The following NHEJ1 variants were observed in gnomAD, a reference collection of about 807,000 sequenced individuals.
NHEJ1 encodes the protein non-homologous end joining factor 1.
In NHEJ1, 22 loss-of-function variants were observed where a neutral mutation model predicts 39.4. That is an observed-to-expected ratio of 0.56 (90% CI 0.40 to 0.80). NHEJ1 has a LOEUF of 0.80. Ranked by LOEUF, NHEJ1 falls within the 30% of genes least tolerant of loss-of-function variation. The pLI is 0.00. For missense variants in NHEJ1, 329 were observed against 357.1 expected (o/e 0.92, Z 0.63); for synonymous variants, 154 against 135.6 (o/e 1.14, Z -0.94).
rs373610993 is a variant in NHEJ1 at position 219,159,564 on chromosome 2, C to CATATATATATATGCATATATATATGCAT, written c.-1+1155_-1+1156insATGCATATATATATGCATATATATATAT. The stretch of plus-strand genomic sequence containing the variant: ...ATATATATATATGCATATATATATG[C>CATATATATATATGCATATATATATGCAT]ATATATATATGCATATATATATGCA... On this transcript the variant is annotated intron_variant, in intron 1 of 7. Coordinates refer to ENST00000356853, the MANE Select transcript of NHEJ1 (RefSeq NM_024782.3). Among the ~76,000 whole-genome samples the CATATATATATATGCATATATATATGCAT allele has an allele frequency of 8.1e-5, 5 of 61,770 alleles. 1 individual carries two copies. In the East Asian group the frequency reaches 1.9e-3, roughly 23 times the overall value. 40.5% of individuals were successfully genotyped at this position (61,770 alleles called of 152,430 possible). A position where few individuals can be genotyped will look rare whatever the true frequency, so the allele number is the denominator to read the frequency against.
chr2:219,101,391 AG>A (rs1392862352), intron 5 of NHEJ1, among the ~76,000 whole-genome samples: 5 of 152,126 alleles, frequency 3.3e-5, no homozygotes, highest in Non-Finnish European at 1.5e-5. Context: ...CTGGAATTAC[AG>A]GGGTGAGCCA....
chr2:219,113,834 A>G (rs750786756), intron 5 of NHEJ1, among the ~76,000 whole-genome samples: 10 of 151,970 alleles, frequency 6.6e-5, no homozygotes, highest in Non-Finnish European at 1.5e-5. Context: ...GAGATTTATC[A>G]TAATGATGAC....
At chr2:219,139,865 G>A (rs954044371) in intron 5 of NHEJ1, among the ~76,000 whole-genome samples, 4 of 152,150 alleles carry the variant, frequency 2.6e-5, no homozygotes, top group Non-Finnish European at 4.4e-5. Context: ...ATTTTTATTA[G>A]AGACAGGGTT....
At chr2:219,122,682 A>G (rs1949483047) in intron 5 of NHEJ1, among the ~76,000 whole-genome samples, 1 of 152,154 alleles carries the variant, frequency 6.6e-6, no homozygotes, top group South Asian at 2.1e-4. Flanking sequence ...TCCAGGAAAT[A>G]GGGTTAGTTT....
intron 1 of NHEJ1, chr2:219,159,470 C>T (rs895407516): frequency 6.8e-6 from 1 of 148,056 alleles, no homozygotes; most frequent in African/African-American, 2.5e-5. Context: ...ACAGTCATTT[C>T]CCCTAGCTTT....
rs757874724 is a variant in NHEJ1 at position 219,111,660 on chromosome 2, CACAG to C, written c.589-33458_589-33455del. ...ACACACACACACACACACACACACA[CACAG>C]AGAGATACATACAGTCAGTGGGAAA... On this transcript the variant is annotated intron_variant, in intron 5 of 7. Transcript: ENST00000356853. The surrounding 1 kb of genome is among the most constrained non-coding windows in gnomAD (Gnocchi z 4.1). Among the ~76,000 whole-genome samples, 404 of 150,284 alleles carry C rather than the reference CACAG, an allele frequency of 2.7e-3. 2 individuals are homozygous for C. Among genetic ancestry groups the C allele is most frequent in the East Asian group, 0.015 (78 of 5,150 alleles).
At chr2:219,132,871 G>T (rs1012855573) in intron 5 of NHEJ1, among the ~76,000 whole-genome samples, 3 of 152,160 alleles carry the variant, frequency 2.0e-5, no homozygotes, top group African/African-American at 7.2e-5. Context: ...TTGTAGATAT[G>T]TAAATTCCAG....
chr2:219,140,633 C>T (rs1378658999), intron 5 of NHEJ1, among the ~76,000 whole-genome samples: 2 of 152,168 alleles, frequency 1.3e-5, no homozygotes, highest in African/African-American at 4.8e-5. Context: ...AATGAACCTT[C>T]CATCAACTTA....
intron 5 of NHEJ1, among the ~76,000 whole-genome samples, chr2:219,098,660 A>C (rs192970401): frequency 1.1e-4 from 16 of 152,292 alleles, no homozygotes; most frequent in African/African-American, 3.8e-4. Context: ...CTTAAATTGA[A>C]ACTAGGCAGG....
rs184020634 is a variant in NHEJ1 at position 219,132,371 on chromosome 2, T to C, written c.588+14309A>G. 1.6e-3 allele frequency among the ~76,000 whole-genome samples: 246 copies of C among 152,358 alleles called. 2 individuals are homozygous for C. Among genetic ancestry groups the C allele is most frequent in the Non-Finnish European group, 2.9e-3 (195 of 68,030 alleles). The stretch of plus-strand genomic sequence containing the variant: ...CTCACTAAACTCAGCAATTTCGCTA[T>C]GCTCTTCCCCTAGCTGCTGGGGGCT... On this transcript the variant is annotated intron_variant, in intron 5 of 7. Transcript: ENST00000356853.
intron 3 of NHEJ1, among the ~76,000 whole-genome samples, chr2:219,152,783 ATTTATT>A (rs1030192080): frequency 8.6e-6 from 1 of 116,174 alleles, no homozygotes; most frequent in African/African-American, 2.7e-5. Flanking sequence ...TCATTTATTT[ATTTATT>A]TTTATTTATT....
intron 5 of NHEJ1, among the ~76,000 whole-genome samples, chr2:219,120,682 A>G (rs1221304759): frequency 6.6e-6 from 1 of 152,184 alleles, no homozygotes; most frequent in African/African-American, 2.4e-5. Flanking sequence ...AATTATATGC[A>G]AGTATTTCCC....
intron 5 of NHEJ1, among the ~76,000 whole-genome samples, chr2:219,120,878 C>A (rs914800888): frequency 6.6e-6 from 1 of 152,118 alleles, no homozygotes; most frequent in Non-Finnish European, 1.5e-5. Context: ...CAGGACTCTA[C>A]TATACTGATC....
intron 5 of NHEJ1, among the ~76,000 whole-genome samples, chr2:219,116,820 A>T (rs1430887588): frequency 6.6e-6 from 1 of 152,160 alleles, no homozygotes; most frequent in African/African-American, 2.4e-5. Flanking sequence ...TAAACAAACC[A>T]GTTTGATTGG....
At chr2:219,153,611 G>A (rs1366839108) in intron 3 of NHEJ1, among the ~76,000 whole-genome samples, 2 of 148,218 alleles carry the variant, frequency 1.3e-5, no homozygotes, top group African/African-American at 2.5e-5. Flanking sequence ...AAGCCAAAGT[G>A]AGAGGATCAC....
At chr2:219,121,803 G>A (rs1033450676) in intron 5 of NHEJ1, among the ~76,000 whole-genome samples, 2 of 151,732 alleles carry the variant, frequency 1.3e-5, no homozygotes, top group Admixed American at 6.6e-5. Context: ...TCCAGCCTGG[G>A]CAATAGACCC....
intron 5 of NHEJ1, among the ~76,000 whole-genome samples, chr2:219,128,293 T>TTC (rs1007550446): frequency 6.6e-6 from 1 of 152,064 alleles, no homozygotes; most frequent in African/African-American, 2.4e-5. Context: ...TATCAAACAG[T>TTC]TTGAGTACTA....
At chr2:219,076,783 C>T (rs1574697335) in intron 7 of NHEJ1, among the ~76,000 whole-genome samples, 2 of 152,120 alleles carry the variant, frequency 1.3e-5, no homozygotes, top group East Asian at 3.9e-4. Context: ...TCAAGTGATC[C>T]TCCTGCCTTG....
rs888680476 is a variant in NHEJ1 at position 219,074,893 on chromosome 2, G to C, written c.*1488C>G. On this transcript the variant is annotated 3_prime_UTR_variant, in exon 8 of 8. Transcript: ENST00000356853. ...AAAGAAAAGTTATCAGCAGTGACTG[G>C]GAATGAGCCTTGGTGGAGATCTCAG... Among the ~76,000 whole-genome samples the C allele has an allele frequency of 6.6e-6, 1 of 152,112 alleles. No homozygotes were observed. Among genetic ancestry groups the C allele is most frequent in the Non-Finnish European group, 1.5e-5 (1 of 68,006 alleles).
Sources: allele counts gnomAD v4.1 joint callset (sites outside exome capture counted in the v4.1 genomes callset), GRCh38; gene constraint gnomAD v4.1.1; non-coding constraint Gnocchi (gnomAD v3.1); transcripts MANE v1.5; gene names NCBI Gene and HGNC (gene_info 2026-07-23, HGNC 2026-07-21).